The following CLSTN2 variants were observed in gnomAD, a reference collection of about 807,000 sequenced individuals.
CLSTN2 encodes the protein calsyntenin 2, also known as calsyntenin-2.
A neutral mutation model predicts 101.2 loss-of-function variants in CLSTN2; 48 were observed. The ratio of observed to expected loss-of-function variants is 0.47; its 90% CI spans 0.38 to 0.60. The LOEUF (loss-of-function observed/expected upper bound fraction) is 0.60, where lower values mean the gene tolerates loss of function less well. Among genes scored for constraint, CLSTN2 ranks in the 20% least tolerant of loss-of-function variants. CLSTN2 has a pLI of 0.00. For synonymous variants in CLSTN2, 481 were observed against 463.6 expected (o/e 1.04, Z -0.48); for missense variants, 1,160 against 1,238.2 (o/e 0.94, Z 0.95).
chr3:140,447,428 G>A (rs1933110296), intron 5 of CLSTN2, among the ~76,000 whole-genome samples: 2 of 152,220 alleles, frequency 1.3e-5, no homozygotes, highest in Non-Finnish European at 2.9e-5. Flanking sequence ...AGTCCGCTCT[G>A]ACTTTTCAGG....
chr3:140,096,614 A>G (rs2008873519), intron 1 of CLSTN2, among the ~76,000 whole-genome samples: 1 of 152,226 alleles, frequency 6.6e-6, no homozygotes, highest in Admixed American at 6.5e-5. Flanking sequence ...GGACCACATC[A>G]GCTGGGAACA....
At chr3:140,488,531 C>T (rs1205129237) in intron 8 of CLSTN2, among the ~76,000 whole-genome samples, 1 of 151,516 alleles carries the variant, frequency 6.6e-6, no homozygotes, top group Non-Finnish European at 1.5e-5. Context: ...TTTTGTTGGC[C>T]ATCACGGTCT....
chr3:140,556,247 A>G (rs999809169), intron 10 of CLSTN2, among the ~76,000 whole-genome samples: 1 of 152,192 alleles, frequency 6.6e-6, no homozygotes, highest in Non-Finnish European at 1.5e-5. Context: ...TGGGTTTTCA[A>G]TATTCCTTCC....
intron 6 of CLSTN2, among the ~76,000 whole-genome samples, chr3:140,457,235 C>T (rs1933424913): frequency 6.6e-6 from 1 of 152,214 alleles, no homozygotes; most frequent in African/African-American, 2.4e-5. Flanking sequence ...GTCCCATTGG[C>T]TTGAGCTAGA....
At position 140,446,055 on chromosome 3, in the gene CLSTN2, C is replaced by T. The variant is rs115739444; in HGVS notation, c.788-2464C>T. On this transcript the variant is annotated intron_variant, in intron 5 of 16. Coordinates refer to ENST00000458420, the MANE Select transcript of CLSTN2 (RefSeq NM_022131.3). The stretch of plus-strand genomic sequence containing the variant: ...CCAAGTAGAAGAAACAACAGAAATA[C>T]GGAGTGGTACAAAGCATTTTGTACC... 1.8e-3 allele frequency among the ~76,000 whole-genome samples: 270 copies of T among 152,176 alleles called. No individual in the cohort carries two copies. The Middle Eastern group carries it at 0.02, about 12-fold the overall frequency.
At chr3:140,326,473 G>C (rs2087333034) in intron 2 of CLSTN2, among the ~76,000 whole-genome samples, 1 of 152,154 alleles carries the variant, frequency 6.6e-6, no homozygotes, top group Admixed American at 6.6e-5. Flanking sequence ...AGAACCAAGG[G>C]AAAAAGAACC....
chr3:140,153,707 A>G (rs2009905364), intron 1 of CLSTN2, among the ~76,000 whole-genome samples: 1 of 152,234 alleles, frequency 6.6e-6, no homozygotes, highest in South Asian at 2.1e-4. Flanking sequence ...TCTTTGCACA[A>G]TAATGAGAGC....
At chr3:140,557,371 G>GA (rs1361891832) in intron 11 of CLSTN2, among the ~76,000 whole-genome samples, 1 of 152,168 alleles carries the variant, frequency 6.6e-6, no homozygotes, top group South Asian at 2.1e-4. Flanking sequence ...ACAGGCACCA[G>GA]AAAAAAACCC....
intron 2 of CLSTN2, among the ~76,000 whole-genome samples, chr3:140,293,763 T>G (rs909338999): frequency 6.6e-6 from 1 of 152,094 alleles, no homozygotes; most frequent in African/African-American, 2.4e-5. Context: ...TCTGGGCTTG[T>G]TGGGTCCAAG....
chr3:140,213,262 G>A (rs1350394382), intron 2 of CLSTN2, among the ~76,000 whole-genome samples: 1 of 152,094 alleles, frequency 6.6e-6, no homozygotes, highest in Non-Finnish European at 1.5e-5. Flanking sequence ...TGTGTCGTTT[G>A]TGGTGTGTTT....
chr3:140,179,774 A>C (rs2010381022), intron 2 of CLSTN2, among the ~76,000 whole-genome samples: 1 of 151,484 alleles, frequency 6.6e-6, no homozygotes, highest in Admixed American at 6.6e-5. Context: ...CTATTTAATG[A>C]GTGTTCTAGA....
rs572549017 is a variant in CLSTN2, at chr3:140,444,294, G to A, written c.788-4225G>A. Among the ~76,000 whole-genome samples the A allele has an allele frequency of 3.9e-5, 6 of 152,250 alleles. No individual in the cohort carries two copies. The East Asian group carries it at 7.7e-4, about 20-fold the overall frequency. ...AAAATACAAAAATTGGCTGGGCGTG[G>A]TGGCAGGTGCCTGTAGTCCCAGGTG... On this transcript the variant is annotated intron_variant, in intron 5 of 16. Transcript: ENST00000458420.
At chr3:139,969,252 G>T (rs900718144) in intron 1 of CLSTN2, among the ~76,000 whole-genome samples, 1 of 152,200 alleles carries the variant, frequency 6.6e-6, no homozygotes, top group African/African-American at 2.4e-5. Context: ...CACGTTGCCA[G>T]TCACTGCTAC....
At chr3:140,269,906 C>T (rs2086726731) in intron 2 of CLSTN2, among the ~76,000 whole-genome samples, 1 of 152,020 alleles carries the variant, frequency 6.6e-6, no homozygotes, top group Non-Finnish European at 1.5e-5. Flanking sequence ...CATAACTACA[C>T]TTATCTCAGA....
intron 8 of CLSTN2, among the ~76,000 whole-genome samples, chr3:140,494,893 T>C (rs547801572): frequency 3.4e-4 from 52 of 152,360 alleles, no homozygotes; most frequent in African/African-American, 1.2e-3. Context: ...TTCTATGTCT[T>C]TGCTATTGTG....
intron 2 of CLSTN2, among the ~76,000 whole-genome samples, chr3:140,356,755 T>TG (rs2087674804): frequency 3.7e-5 from 1 of 26,678 alleles, no homozygotes; most frequent in African/African-American, 1.3e-4. Context: ...GGACCTTGTC[T>TG]CAAAAAAAAA....
chr3:140,226,430 T>C (rs1025215198), intron 2 of CLSTN2, among the ~76,000 whole-genome samples: 8 of 152,216 alleles, frequency 5.3e-5, no homozygotes, highest in Admixed American at 3.3e-4. Context: ...TTTAAATCTA[T>C]AATTACATTC....
intron 1 of CLSTN2, among the ~76,000 whole-genome samples, chr3:139,940,968 C>T (rs945145794): frequency 1.3e-5 from 2 of 152,064 alleles, no homozygotes; most frequent in Admixed American, 1.3e-4. Context: ...GGAAAGATCT[C>T]CTGCCCAGTT....
chr3:140,434,953 A>G (rs918614082), intron 5 of CLSTN2, among the ~76,000 whole-genome samples: 1 of 152,142 alleles, frequency 6.6e-6, no homozygotes, highest in Admixed American at 6.5e-5. Flanking sequence ...TAGTAGGTGT[A>G]TATATTTATG....
Sources: gnomAD v4.1 joint callset for allele counts (sites outside exome capture counted in the v4.1 genomes callset) on GRCh38, gnomAD v4.1.1 for gene constraint, MANE v1.5 for transcripts, NCBI Gene and HGNC (gene_info 2026-07-23, HGNC 2026-07-21) for gene names.